The following LHFPL3 variants were observed in gnomAD, a reference collection of about 807,000 sequenced individuals.
The protein encoded by LHFPL3 is LHFPL tetraspan subfamily member 3 protein.
Under a neutral mutation model 19.3 loss-of-function variants are expected in LHFPL3, and 5 were observed. The observed-to-expected ratio is 0.26, with a 90% CI of 0.14 to 0.54. LHFPL3 has a LOEUF of 0.54. Among genes scored for constraint, LHFPL3 ranks in the 20% least tolerant of loss-of-function variants. The pLI is 0.94. For synonymous variants in LHFPL3, 133 were observed against 126.2 expected (o/e 1.05, Z -0.36); for missense variants, 249 against 307.4 (o/e 0.81, Z 1.42).
chr7:104,738,361 A>T (rs1793869007), intron 2 of LHFPL3, among the ~76,000 whole-genome samples: 1 of 152,192 alleles, frequency 6.6e-6, no homozygotes, highest in African/African-American at 2.4e-5. Flanking sequence ...CTGTCCAGTT[A>T]ACTTTACTTC....
chr7:104,582,590 G>C (rs1790480233), intron 1 of LHFPL3, among the ~76,000 whole-genome samples: 1 of 151,916 alleles, frequency 6.6e-6, no homozygotes, highest in African/African-American at 2.4e-5. Context: ...ATAATGTTAG[G>C]TACTCTTTAC....
intron 1 of LHFPL3, among the ~76,000 whole-genome samples, chr7:104,719,090 G>C (rs1462514328): frequency 6.6e-6 from 1 of 152,070 alleles, no homozygotes; most frequent in African/African-American, 2.4e-5. Context: ...TGTTCAGTTG[G>C]TATTTATTAA....
In LHFPL3 at chr7:104,782,701, AG is replaced by A. The variant is rs1265513329; in HGVS notation, c.682+45795del. On this transcript the variant is annotated intron_variant, in intron 2 of 2. Transcript: ENST00000424859. ...ACTTTAACAGCTTCCCATTGCCTTT[AG>A]GGGGAAGCCAAAACTCCTTAGCATA... 4.6e-5 allele frequency among the ~76,000 whole-genome samples: 7 copies of A among 152,340 alleles called. No homozygotes were observed. In the East Asian group the frequency reaches 1.3e-3, roughly 29 times the overall value.
intron 1 of LHFPL3, among the ~76,000 whole-genome samples, chr7:104,425,302 A>C (rs1288980329): frequency 6.6e-6 from 1 of 152,168 alleles, no homozygotes; most frequent in Non-Finnish European, 1.5e-5. Flanking sequence ...TTGCATACAC[A>C]CAGATGTGAA....
At chr7:104,380,443 G>C (rs1224326356) in intron 1 of LHFPL3, among the ~76,000 whole-genome samples, 1 of 151,998 alleles carries the variant, frequency 6.6e-6, no homozygotes, top group Non-Finnish European at 1.5e-5. Flanking sequence ...GGTATGAATA[G>C]AAAACAAAAC....
intron 1 of LHFPL3, among the ~76,000 whole-genome samples, chr7:104,381,508 C>T (rs1284249569): frequency 6.6e-6 from 1 of 151,904 alleles, no homozygotes; most frequent in African/African-American, 2.4e-5. Context: ...TCTTCAGATT[C>T]TTTCCTTCCT....
chr7:104,800,148 C>T (rs1030182481), intron 2 of LHFPL3: 1 of 152,258 alleles, frequency 6.6e-6, no homozygotes, highest in Non-Finnish European at 1.5e-5. Context: ...AAACCTAAGG[C>T]TAATGTTGCC....
intron 1 of LHFPL3, among the ~76,000 whole-genome samples, chr7:104,654,347 G>T (rs1036740299): frequency 4.6e-5 from 7 of 152,092 alleles, no homozygotes; most frequent in Non-Finnish European, 1.0e-4. Context: ...ACATATTTCC[G>T]TGACCAGAGG....
At chr7:104,600,085 C>G (rs1399592019) in intron 1 of LHFPL3, among the ~76,000 whole-genome samples, 1 of 152,140 alleles carries the variant, frequency 6.6e-6, no homozygotes, top group Admixed American at 6.6e-5. Flanking sequence ...AGAAACTCAC[C>G]CAATCCTCTT....
chr7:104,392,307 A>T (rs1226168314), intron 1 of LHFPL3, among the ~76,000 whole-genome samples: 1 of 151,756 alleles, frequency 6.6e-6, no homozygotes, highest in Admixed American at 6.6e-5. Context: ...ATTCAGTATG[A>T]TATTGGCTGT....
chr7:104,832,612 T>TC (rs1211760889), intron 2 of LHFPL3, among the ~76,000 whole-genome samples: 5 of 123,574 alleles, frequency 4.0e-5, no homozygotes, highest in Non-Finnish European at 6.4e-5. Context: ...CTCTGACATT[T>TC]CTTTTTTCCT....
intron 1 of LHFPL3, among the ~76,000 whole-genome samples, chr7:104,564,417 T>G (rs1229701163): frequency 6.6e-6 from 1 of 152,220 alleles, no homozygotes; most frequent in East Asian, 1.9e-4. Context: ...TTCAATTCTG[T>G]TTCATTCCAT....
At chr7:104,595,960 T>C (rs982749928) in intron 1 of LHFPL3, among the ~76,000 whole-genome samples, 2 of 152,170 alleles carry the variant, frequency 1.3e-5, no homozygotes, top group Admixed American at 6.5e-5. Flanking sequence ...TTCCAAGTAG[T>C]CTGTCATGGC....
chr7:104,471,973 T>G (rs1414305656), intron 1 of LHFPL3, among the ~76,000 whole-genome samples: 2 of 150,616 alleles, frequency 1.3e-5, no homozygotes, highest in African/African-American at 4.9e-5. Flanking sequence ...GCCCCAGGAG[T>G]TCAAGATCAG....
intron 1 of LHFPL3, among the ~76,000 whole-genome samples, chr7:104,454,861 A>G (rs932717165): frequency 3.3e-5 from 5 of 152,156 alleles, no homozygotes; most frequent in African/African-American, 1.2e-4. Context: ...TTTTGTTCCT[A>G]TATTATTAAT....
chr7:104,617,320 G>T (rs942612858), intron 1 of LHFPL3, among the ~76,000 whole-genome samples: 6 of 151,902 alleles, frequency 3.9e-5, no homozygotes, highest in African/African-American at 1.5e-4. Flanking sequence ...TTTCATGCAT[G>T]ACTTGAAATA....
intron 1 of LHFPL3, among the ~76,000 whole-genome samples, chr7:104,719,978 C>A (rs1793456748): frequency 6.6e-6 from 1 of 152,124 alleles, no homozygotes; most frequent in African/African-American, 2.4e-5. Flanking sequence ...CCGAACCTGA[C>A]CTCCAAACCA....
In LHFPL3 at chr7:104,374,208, ATGTGTG is replaced by A. The variant is rs1006955104; in HGVS notation, c.445+45012_445+45017del. ...CTATTATCTATCTATCTATCTATAT[ATGTGTG>A]TGTGTGTGTGTGTGTGTGTGTGTGT... On this transcript the variant is annotated intron_variant, in intron 1 of 2. Coordinates refer to ENST00000424859, the MANE Select transcript of LHFPL3 (RefSeq NM_199000.3). 3.4e-3 allele frequency among the ~76,000 whole-genome samples: 498 copies of A among 147,140 alleles called. 3 individuals are homozygous for A. The highest frequency in any genetic ancestry group is 0.031 in the Middle Eastern group (9 of 292).
intron 1 of LHFPL3, among the ~76,000 whole-genome samples, chr7:104,615,450 G>A (rs1333563811): frequency 6.6e-6 from 1 of 152,156 alleles, no homozygotes; most frequent in Non-Finnish European, 1.5e-5. Flanking sequence ...AGTTCTAACA[G>A]AAGAGTTTAA....
Sources: allele counts gnomAD v4.1 joint callset (sites outside exome capture counted in the v4.1 genomes callset), GRCh38; gene constraint gnomAD v4.1.1; transcripts MANE v1.5; gene names NCBI Gene and HGNC (gene_info 2026-07-23, HGNC 2026-07-21).